Variants in KIF4A observed in about 807,000 individuals in gnomAD.
KIF4A encodes kinesin family member 4A.
A neutral mutation model predicts 105.9 loss-of-function variants in KIF4A; 7 were observed. The ratio of observed to expected loss-of-function variants is 0.07; its 90% confidence interval spans 0.04 to 0.12. The LOEUF (loss-of-function observed/expected upper bound fraction) is 0.12, where lower values mean the gene tolerates loss of function less well. Among genes scored for constraint, KIF4A ranks in the 10% least tolerant of loss-of-function variants. The probability of loss-of-function intolerance (pLI) is 1.00; values close to 1 mark genes in which losing one functional copy is unlikely to be tolerated. For synonymous variants in KIF4A, 281 were observed against 331.3 expected, an observed-to-expected ratio of 0.85 and a Z score of 1.65; for missense variants, 558 against 929.2, an observed-to-expected ratio of 0.60 and a Z score of 5.19.
chrX:70,318,683 A>G (rs1172280722), intron 7 of KIF4A, among the ~76,000 whole-genome samples: 1 of 112,010 alleles, frequency 8.9e-6, no homozygotes, highest in Non-Finnish European at 1.9e-5. Context: ...GTGGAGTGAT[A>G]CTTTATTATG....
chrX:70,406,141 C>CCTA (rs2086299359), intron 26 of KIF4A, 118 bp from the exon 27 acceptor site: 10 of 592,120 alleles, frequency 1.7e-5, no homozygotes, highest in Non-Finnish European at 2.5e-5. Flanking sequence ...CTACTATAAT[C>CCTA]CTGCATCACT....
chrX:70,350,135 T>C (rs1200264705), intron 13 of KIF4A, among the ~76,000 whole-genome samples: 14 of 101,435 alleles, frequency 1.4e-4, no homozygotes, highest in Non-Finnish European at 2.2e-4. Context: ...CCAAGGCAGG[T>C]GGCTGGGAGG....
Position 70,420,406 on chromosome X carries a change from G to C in KIF4A, c.*141G>C. ...GGAACAAAGCGTTACTGAAAAGAAG[G>C]TAACCTTTGTTGGATGTGGGCCTTA... On this transcript the variant is annotated 3_prime_UTR_variant, in exon 31 of 31. Transcript: ENST00000374403. 269 of 832,929 alleles carry C rather than the reference G, an allele frequency of 3.2e-4. No individual in the cohort carries two copies. The highest frequency in any genetic ancestry group is 9.0e-4 in the Middle Eastern group (2 of 2,226). The allele number at this position is 832,929 out of a possible 1,213,427, so 68.6% of individuals were successfully genotyped here.
intron 15 of KIF4A, among the ~76,000 whole-genome samples, chrX:70,363,207 C>T (rs2086084123): frequency 9.2e-6 from 1 of 108,686 alleles, no homozygotes. Flanking sequence ...CAATTAGGGA[C>T]TAAATGTGGT....
At chrX:70,375,834 T>A (rs1036638455) in intron 17 of KIF4A, among the ~76,000 whole-genome samples, 6 of 111,995 alleles carry the variant, frequency 5.4e-5, no homozygotes, top group African/African-American at 1.9e-4. Context: ...AAATTTCATT[T>A]GTATACAGTG....
intron 18 of KIF4A, among the ~76,000 whole-genome samples, chrX:70,376,925 T>C (rs748059056): frequency 4.3e-4 from 48 of 111,386 alleles, no homozygotes; most frequent in African/African-American, 1.5e-3. Flanking sequence ...CACAAGAAGA[T>C]ATTGTATAAT....
chrX:70,417,324 G>A (rs2086348377), intron 28 of KIF4A, among the ~76,000 whole-genome samples: 1 of 111,412 alleles, frequency 9.0e-6, no homozygotes, highest in Non-Finnish European at 1.9e-5. Context: ...GCAACATGGT[G>A]AAACCCCCGT....
chrX:70,304,185 T>C (rs1203150912), intron 7 of KIF4A, among the ~76,000 whole-genome samples: 3 of 97,756 alleles, frequency 3.1e-5, no homozygotes, highest in Admixed American at 1.2e-4. Flanking sequence ...TGAGAACATG[T>C]GGTGTTTGGT....
chrX:70,409,023 G>A (rs750123055), intron 28 of KIF4A, among the ~76,000 whole-genome samples: 3 of 111,440 alleles, frequency 2.7e-5, no homozygotes, highest in East Asian at 5.7e-4. Flanking sequence ...CCGCCACCAT[G>A]CCCAGCTAAT....
chrX:70,396,132 C>A, intron 22 of KIF4A, 83 bp downstream of exon 22: 1 of 673,245 alleles, frequency 1.5e-6, no homozygotes, highest in Non-Finnish European at 2.2e-6. Context: ...GATTCAAAAG[C>A]CTTGTGATGG....
chrX:70,395,532 G>C, intron 20 of KIF4A, 139 bp from the exon 21 acceptor site: 2 of 673,418 alleles, frequency 3.0e-6, no homozygotes, highest in Non-Finnish European at 2.2e-6. Flanking sequence ...GACATTTTTG[G>C]TAAGTGTAGG....
chrX:70,368,143 G>T lies in KIF4A; in HGVS notation c.1675-6008G>T, dbSNP rs192983684. 1.5e-4 allele frequency among the ~76,000 whole-genome samples: 17 copies of T among 111,618 alleles called. No homozygotes were observed. In the East Asian group the frequency reaches 3.9e-3, roughly 26 times the overall value. On this transcript the variant is annotated intron_variant, in intron 15 of 30. Coordinates refer to ENST00000374403, the MANE Select transcript of KIF4A (RefSeq NM_012310.5). ...TTCTCTGCATTGGTTATTCTAGTTA[G>T]CCATTTGTCTAATCTTTTTTCAAGG...
intron 22 of KIF4A, among the ~76,000 whole-genome samples, chrX:70,396,927 G>T (rs2086261610): frequency 9.0e-6 from 1 of 110,920 alleles, no homozygotes. Flanking sequence ...AAAGAAATTA[G>T]GTGGGCATGG....
chrX:70,370,761 C>A (rs2086127937), intron 15 of KIF4A, among the ~76,000 whole-genome samples: 1 of 108,727 alleles, frequency 9.2e-6, no homozygotes, highest in Admixed American at 9.9e-5. Flanking sequence ...CATGGTGAAA[C>A]CCTGTCTCTA....
chrX:70,315,155 T>C (rs1172615148), intron 7 of KIF4A, among the ~76,000 whole-genome samples: 1 of 112,149 alleles, frequency 8.9e-6, no homozygotes, highest in Non-Finnish European at 1.9e-5. Context: ...TTGAGATCAA[T>C]TCATCTTGAT....
At chrX:70,299,251 AT>A in intron 5 of KIF4A, 49 bp downstream of exon 5, 4 of 1,032,810 alleles carry the variant, frequency 3.9e-6, no homozygotes, top group Non-Finnish European at 5.3e-6. Flanking sequence ...GGCAATTATA[AT>A]ACTAAAGTTC....
intron 28 of KIF4A, among the ~76,000 whole-genome samples, chrX:70,408,148 C>T (rs922114182): frequency 9.0e-6 from 1 of 111,061 alleles, no homozygotes; most frequent in African/African-American, 3.3e-5. Context: ...GGGAAATGAC[C>T]TTGCCCAAGG....
intron 20 of KIF4A, among the ~76,000 whole-genome samples, chrX:70,392,680 A>ATGTT (rs1184421643): frequency 2.8e-5 from 3 of 108,539 alleles, no homozygotes; most frequent in Non-Finnish European, 3.8e-5. Flanking sequence ...TCCTGTTTGT[A>ATGTT]TGTTTTCTCC....
In KIF4A at chrX:70,395,986, T is replaced by C. The variant is rs752637026; in HGVS notation, c.2426T>C (p.Val809Ala). 1 of 1,208,377 alleles carries C rather than the reference T, an allele frequency of 8.3e-7. No homozygotes were observed. The highest frequency in any genetic ancestry group is 1.8e-5 in the South Asian group (1 of 56,657). ...TFSLTEVRGQVSESEDSITKQ... is the reference protein window; with the variant it reads ...TFSLTEVRGQASESEDSITKQ... The stretch of plus-strand genomic sequence containing the variant: ...TCCCTTACTGAAGTGCGTGGTCAAG[T>C]TTCGGAGTCAGAAGATTCTATTACA... The change falls in exon 22 of 31, where the codon GTT (valine) becomes GCT (alanine). Residue 809 changes from valine to alanine, a missense_variant. Transcript: ENST00000374403.
Sources: allele counts gnomAD v4.1 joint callset (sites outside exome capture counted in the v4.1 genomes callset), GRCh38; gene constraint gnomAD v4.1.1; transcripts MANE v1.5; gene names NCBI Gene and HGNC (gene_info 2026-07-23, HGNC 2026-07-21).